The following TTC34 variants were observed in gnomAD, a reference collection of about 807,000 sequenced individuals.
The protein encoded by TTC34 is tetratricopeptide repeat domain 34.
Under a neutral mutation model 40.7 loss-of-function variants are expected in TTC34, and 44 were observed. That is an observed-to-expected ratio of 1.08 (90% CI 0.85 to 1.39). The LOEUF is 1.39. Among genes scored for constraint, TTC34 ranks in the 40% most tolerant of loss-of-function variants. The pLI is 0.00. For missense variants in TTC34, 884 were observed against 838.0 expected (o/e 1.05, Z -0.68); for synonymous variants, 422 against 398.6 (o/e 1.06, Z -0.70).
At chr1:2,767,764 C>T (rs1228935165) in intron 6 of TTC34, among the ~76,000 whole-genome samples, 5 of 148,398 alleles carry the variant, frequency 3.4e-5, no homozygotes, top group African/African-American at 1.2e-4. Context: ...CAGCACCCTG[C>T]ACCCCCAGTT....
At chr1:2,773,214 A>G (rs1642586767) in intron 6 of TTC34, among the ~76,000 whole-genome samples, 2 of 127,702 alleles carry the variant, frequency 1.6e-5, no homozygotes, top group Non-Finnish European at 1.7e-5. Flanking sequence ...AGCAGCGCCC[A>G]CACCCCCGGG....
chr1:2,691,282 G>T (rs549827708), intron 6 of TTC34, among the ~76,000 whole-genome samples: 1 of 86,394 alleles, frequency 1.2e-5, no homozygotes, highest in Admixed American at 1.1e-4. Flanking sequence ...GAATCCGACA[G>T]CCTGGAGCAG....
At position 2,755,719 on chromosome 1, in the gene TTC34, C is replaced by T. The variant is rs1350066909; in HGVS notation, c.2226+27890G>A. Among the ~76,000 whole-genome samples, 24 of 9,050 alleles carry T rather than the reference C, an allele frequency of 2.7e-3. 1 individual carries two copies. The highest frequency in any genetic ancestry group is 0.014 in the East Asian group (3 of 208). 5.9% of individuals were successfully genotyped at this position (9,050 alleles called of 152,430 possible). On this transcript the variant is annotated intron_variant, in intron 6 of 8. Transcript: ENST00000401095. The stretch of plus-strand genomic sequence containing the variant: ...CACCCCAAACCCACAGGTGAGCATC[C>T]GACAGCCTGGAGCAGCACCCACACA...
chr1:2,687,904 A>G (rs918543813), intron 6 of TTC34, among the ~76,000 whole-genome samples: 3 of 151,986 alleles, frequency 2.0e-5, no homozygotes, highest in Admixed American at 6.6e-5. Flanking sequence ...TGAGCATCTG[A>G]CAGACTGGAA....
At chr1:2,794,737 GGATA>G (rs1240938131) in intron 2 of TTC34, among the ~76,000 whole-genome samples, 1 of 151,942 alleles carries the variant, frequency 6.6e-6, no homozygotes, top group Non-Finnish European at 1.5e-5. Context: ...GGTGGGTTTG[GGATA>G]GATATTATCT....
rs1038008502 is a variant in TTC34 at position 2,783,608 on chromosome 1, C to A, written c.2226+1G>T. On this transcript the variant is annotated splice_donor_variant, in intron 6 of 8. Coordinates refer to ENST00000401095, the Ensembl canonical transcript of TTC34. LOFTEE classifies it high-confidence loss of function. ...GGCCCAGGTCAGGAGTGGGGCGGCACCTGCAGCTGGTCTAGGGCCAGGTGC... is the reference window on the plus strand; with the variant it reads ...GGCCCAGGTCAGGAGTGGGGCGGCAACTGCAGCTGGTCTAGGGCCAGGTGC... 2 of 1,417,406 alleles carry A rather than the reference C, an allele frequency of 1.4e-6. No homozygotes were observed. Among genetic ancestry groups the A allele is most frequent in the Non-Finnish European group, 9.4e-7 (1 of 1,068,874 alleles). The allele number at this position is 1,417,406 out of a possible 1,614,324, so 87.8% of individuals were successfully genotyped here. A position where few individuals can be genotyped will look rare whatever the true frequency, so the allele number is the denominator to read the frequency against.
intron 6 of TTC34, among the ~76,000 whole-genome samples, chr1:2,651,591 C>T (rs984784227): frequency 3.3e-5 from 5 of 150,810 alleles, no homozygotes; most frequent in African/African-American, 9.8e-5. Context: ...TGGAACAGCA[C>T]CCCACACCCC....
exon 2 of TTC34, chr1:2,800,544 C>G (rs1227583972): frequency 7.5e-6 from 3 of 398,296 alleles, no homozygotes; most frequent in Non-Finnish European, 1.3e-5. Context: ...GCAGAGGGCG[C>G]CGAGGAAGGC....
intron 6 of TTC34, among the ~76,000 whole-genome samples, chr1:2,674,677 C>T (rs1639827627): frequency 1.4e-5 from 1 of 69,716 alleles, no homozygotes; most frequent in Non-Finnish European, 2.8e-5. Context: ...GCAGCACCCA[C>T]ACCCCCAGGT....
At chr1:2,652,077 CCCACACCCCCA>C in intron 6 of TTC34, among the ~76,000 whole-genome samples, 2 of 59,714 alleles carry the variant, frequency 3.3e-5, no homozygotes, top group Admixed American at 1.8e-4. Flanking sequence ...TGGAGGAGCA[CCCACACCCCCA>C]GGTGAGCATC....
chr1:2,768,222 C>T (rs1308587586), intron 6 of TTC34, among the ~76,000 whole-genome samples: 4 of 151,784 alleles, frequency 2.6e-5, no homozygotes, highest in Non-Finnish European at 5.9e-5. Flanking sequence ...GGTGAGGATG[C>T]TCACCTGAGG....
intron 6 of TTC34, among the ~76,000 whole-genome samples, chr1:2,750,698 C>T (rs1402481288): frequency 5.2e-5 from 5 of 97,064 alleles, no homozygotes; most frequent in African/African-American, 7.8e-5. Flanking sequence ...CCCAAGTGAG[C>T]ATCCGACAGC....
In TTC34 at chr1:2,645,676, G is replaced by C; in HGVS notation, c.2227-113C>G. ...TTCTCATTCCCTGATCTTCTCCCTGGGGTCCTAGAGGGTCTGAACACCCAG... is the reference window on the plus strand; with the variant it reads ...TTCTCATTCCCTGATCTTCTCCCTGCGGTCCTAGAGGGTCTGAACACCCAG... On this transcript the variant is annotated intron_variant, in intron 6 of 8. Transcript: ENST00000401095. This position sits in a 1 kb window ranked among gnomAD's most constrained non-coding sequence, Gnocchi z 4.7. The C allele has an allele frequency of 8.8e-7, 1 of 1,131,950 alleles. No homozygotes were observed. The allele number at this position is 1,131,950 out of a possible 1,614,324, so 70.1% of individuals were successfully genotyped here. A position where few individuals can be genotyped will look rare whatever the true frequency, so the allele number is the denominator to read the frequency against.
intron 6 of TTC34, among the ~76,000 whole-genome samples, chr1:2,752,679 A>C (rs1209483240): frequency 2.8e-5 from 4 of 143,922 alleles, no homozygotes; most frequent in Middle Eastern, 3.3e-3. Flanking sequence ...GACAACCTGC[A>C]ACAGCACCCA....
At chr1:2,651,136 G>A (rs759392434) in intron 6 of TTC34, among the ~76,000 whole-genome samples, 1 of 150,432 alleles carries the variant, frequency 6.6e-6, no homozygotes, top group Non-Finnish European at 1.5e-5. Flanking sequence ...TTGCAGCCTG[G>A]GACAGTACCC....
At position 2,786,670 on chromosome 1, in the gene TTC34, G is replaced by A. The variant is rs111455842; in HGVS notation, c.1855-647C>T. Among the ~76,000 whole-genome samples, 238 of 152,276 alleles carry A rather than the reference G, an allele frequency of 1.6e-3. 2 individuals carry two copies. The highest frequency in any genetic ancestry group is 2.8e-3 in the Non-Finnish European group (188 of 68,012). On this transcript the variant is annotated intron_variant, in intron 4 of 8. Coordinates refer to ENST00000401095, the Ensembl canonical transcript of TTC34. ...TTTAGGTCATGAAGGGTCAACAGGCGCCAGGGAGTCCTTCAGACGACGCGG... is the reference window on the plus strand; with the variant it reads ...TTTAGGTCATGAAGGGTCAACAGGCACCAGGGAGTCCTTCAGACGACGCGG...
At chr1:2,687,348 C>G (rs1267037437) in intron 6 of TTC34, among the ~76,000 whole-genome samples, 6 of 140,876 alleles carry the variant, frequency 4.3e-5, no homozygotes, top group Non-Finnish European at 9.0e-5. Flanking sequence ...ATCCGACAGC[C>G]TGGAGCAGCA....
At chr1:2,777,519 G>T (rs183391695) in intron 6 of TTC34, among the ~76,000 whole-genome samples, 5 of 152,294 alleles carry the variant, frequency 3.3e-5, no homozygotes, top group South Asian at 2.1e-4. Flanking sequence ...GCATATGACC[G>T]CCTGGAAGAA....
At chr1:2,653,764 C>A (rs984907893) in intron 6 of TTC34, among the ~76,000 whole-genome samples, 2 of 146,832 alleles carry the variant, frequency 1.4e-5, no homozygotes, top group African/African-American at 5.0e-5. Flanking sequence ...GGAGCAGCGC[C>A]CACACCCCCA....
Sources: gnomAD v4.1 joint callset for allele counts (sites outside exome capture counted in the v4.1 genomes callset) on GRCh38, gnomAD v4.1.1 for gene constraint, Gnocchi (gnomAD v3.1) non-coding constraint, MANE v1.5 for transcripts, NCBI Gene and HGNC (gene_info 2026-07-23, HGNC 2026-07-21) for gene names.